RAPH1: variants seen among roughly 807,000 people sequenced by gnomAD.
RAPH1 encodes ras-associated and pleckstrin homology domains-containing protein 1.
Under a neutral mutation model 88.1 loss-of-function variants are expected in RAPH1, and 18 were observed. The observed-to-expected ratio is 0.20, with a 90% CI of 0.14 to 0.30. The LOEUF (loss-of-function observed/expected upper bound fraction) is 0.30. Ranked by LOEUF, RAPH1 falls within the 10% of genes least tolerant of loss-of-function variation. The pLI is 1.00. For missense variants in RAPH1, 1,448 were observed against 1,543.2 expected (o/e 0.94, Z 1.03); for synonymous variants, 587 against 559.0 (o/e 1.05, Z -0.71).
At chr2:203,502,603 C>T (rs1016001622) in intron 1 of RAPH1, among the ~76,000 whole-genome samples, 29 of 150,984 alleles carry the variant, frequency 1.9e-4, no homozygotes, top group African/African-American at 5.8e-4. Flanking sequence ...GGGCGGATCA[C>T]GAGGTCAGGA....
At chr2:203,490,426 G>C (rs917648786) in intron 3 of RAPH1, among the ~76,000 whole-genome samples, 1 of 152,160 alleles carries the variant, frequency 6.6e-6, no homozygotes, top group Admixed American at 6.5e-5. Context: ...TGCTTTGGTA[G>C]AGATGTCAAT....
intron 9 of RAPH1, 46 bp downstream of exon 9, chr2:203,455,391 C>A: frequency 6.3e-7 from 1 of 1,581,200 alleles, no homozygotes; most frequent in Non-Finnish European, 8.6e-7. Context: ...AAATTAAAAG[C>A]AATTAGCATA....
chr2:203,499,213 C>T (rs1433414085), intron 1 of RAPH1, among the ~76,000 whole-genome samples: 1 of 152,172 alleles, frequency 6.6e-6, no homozygotes, highest in Non-Finnish European at 1.5e-5. Flanking sequence ...TTAAAAATCC[C>T]TTTAAAAATT....
intron 12 of RAPH1, 77 bp from the exon 13 acceptor site, chr2:203,445,087 A>G (rs2098508294): frequency 1.5e-6 from 2 of 1,349,424 alleles, no homozygotes; most frequent in African/African-American, 2.9e-5. Flanking sequence ...GTCTAGTTAG[A>G]TCTTTTACAC....
At chr2:203,522,641 C>A (rs1179252690) in intron 1 of RAPH1, among the ~76,000 whole-genome samples, 1 of 152,042 alleles carries the variant, frequency 6.6e-6, no homozygotes, top group Non-Finnish European at 1.5e-5. Context: ...GTGGCTCACA[C>A]CTGTAATCCC....
chr2:203,485,265 G>C (rs1687913769), intron 4 of RAPH1, among the ~76,000 whole-genome samples: 2 of 152,190 alleles, frequency 1.3e-5, no homozygotes, highest in African/African-American at 4.8e-5. Context: ...ACAAAAATTA[G>C]CCAGGCGTGG....
chr2:203,518,107 T>C (rs886222917), intron 1 of RAPH1, among the ~76,000 whole-genome samples: 5 of 151,998 alleles, frequency 3.3e-5, no homozygotes, highest in African/African-American at 1.2e-4. Flanking sequence ...ATCAATAAAA[T>C]TGATAAGCTT....
intron 1 of RAPH1, among the ~76,000 whole-genome samples, chr2:203,506,863 T>TATATATAG (rs1689091039): frequency 1.1e-5 from 1 of 88,958 alleles, no homozygotes; most frequent in African/African-American, 5.5e-5. Flanking sequence ...TATCTATATA[T>TATATATAG]ATATATATAT....
At chr2:203,454,587 CA>C (rs749452789) in intron 9 of RAPH1, 47 bp from the exon 10 acceptor site, 8 of 1,366,104 alleles carry the variant, frequency 5.9e-6, no homozygotes, top group Non-Finnish European at 8.2e-6. Context: ...AATGCACAAA[CA>C]AGCAAATATA....
At chr2:203,472,857 A>G (rs1430178223) in intron 4 of RAPH1, among the ~76,000 whole-genome samples, 4 of 152,216 alleles carry the variant, frequency 2.6e-5, no homozygotes, top group Non-Finnish European at 5.9e-5. Flanking sequence ...CAAAAAACTG[A>G]TAATTTGGTT....
intron 4 of RAPH1, chr2:203,476,964 TTTAA>T (rs1374430410): frequency 5.4e-6 from 4 of 746,374 alleles, no homozygotes; most frequent in Non-Finnish European, 8.9e-6. Flanking sequence ...TTAAGTTTGG[TTTAA>T]TTTTTATTTG....
At chr2:203,503,145 AAAACAAAC>A (rs547655158) in intron 1 of RAPH1, among the ~76,000 whole-genome samples, 3 of 152,186 alleles carry the variant, frequency 2.0e-5, no homozygotes, top group Admixed American at 6.5e-5. Context: ...CTCTGTCTCA[AAAACAAAC>A]AAACAAACAA....
intron 4 of RAPH1, among the ~76,000 whole-genome samples, chr2:203,462,919 G>C (rs1324811090): frequency 6.6e-6 from 1 of 151,996 alleles, no homozygotes; most frequent in Non-Finnish European, 1.5e-5. Context: ...AAAACTTTTT[G>C]GTTGGGCGTG....
chr2:203,456,807 A>G (rs2256743), intron 8 of RAPH1, among the ~76,000 whole-genome samples: 15,763 of 152,240 alleles, frequency 0.1, 1,649 homozygotes, highest in African/African-American at 0.27. Context: ...AAATTCAATT[A>G]TATTTTTCCA....
chr2:203,472,508 C>G (rs1032957699), intron 4 of RAPH1, among the ~76,000 whole-genome samples: 5 of 152,150 alleles, frequency 3.3e-5, no homozygotes, highest in Non-Finnish European at 7.3e-5. Flanking sequence ...TGCTCTTATT[C>G]CCATTCATTT....
chr2:203,481,294 C>T (rs1687708759), intron 4 of RAPH1, among the ~76,000 whole-genome samples: 1 of 152,002 alleles, frequency 6.6e-6, no homozygotes, highest in South Asian at 2.1e-4. Flanking sequence ...TGGGTTCAAA[C>T]CCTTGGGCAA....
intron 1 of RAPH1, among the ~76,000 whole-genome samples, chr2:203,529,005 ATTTTTTT>A (rs66832810): frequency 1.2e-4 from 5 of 41,146 alleles, no homozygotes; most frequent in African/African-American, 3.6e-4. Flanking sequence ...ATATATATAT[ATTTTTTT>A]TTTTTTTTTT....
At chr2:203,456,033 AAAACAAAAAC>A (rs147945149) in intron 8 of RAPH1, among the ~76,000 whole-genome samples, 3,622 of 151,760 alleles carry the variant, frequency 0.024, 149 homozygotes, top group African/African-American at 0.082. Context: ...AACAAAAACA[AAAACAAAAAC>A]AAGACAAAAC....
intron 1 of RAPH1, among the ~76,000 whole-genome samples, chr2:203,502,951 C>T (rs1163685378): frequency 2.6e-5 from 4 of 152,186 alleles, no homozygotes; most frequent in Non-Finnish European, 1.5e-5. Flanking sequence ...CGAGACCAGC[C>T]TAACAAGGTG....
Sources: gnomAD v4.1 joint callset for allele counts (sites outside exome capture counted in the v4.1 genomes callset) on GRCh38, gnomAD v4.1.1 for gene constraint, MANE v1.5 for transcripts, NCBI Gene and HGNC (gene_info 2026-07-23, HGNC 2026-07-21) for gene names.